Variants in SDC2 observed in about 807,000 individuals in gnomAD.
The protein encoded by SDC2 is syndecan-2.
Under a neutral mutation model 22.2 loss-of-function variants are expected in SDC2, and 13 were observed. That is an observed-to-expected ratio of 0.59 (90% CI 0.38 to 0.93). The LOEUF (loss-of-function observed/expected upper bound fraction) is 0.93, where lower values mean the gene tolerates loss of function less well. Among genes scored for constraint, SDC2 ranks in the 40% least tolerant of loss-of-function variants. The pLI is 0.00. For synonymous variants in SDC2, 94 were observed against 92.8 expected (o/e 1.01, Z -0.07); for missense variants, 235 against 246.8 (o/e 0.95, Z 0.32).
At chr8:96,581,978 C>T (rs775152422) in intron 1 of SDC2, among the ~76,000 whole-genome samples, 5 of 152,196 alleles carry the variant, frequency 3.3e-5, no homozygotes, top group South Asian at 2.1e-4. Flanking sequence ...GCACAGGTCA[C>T]GTGATCATCA....
intron 1 of SDC2, among the ~76,000 whole-genome samples, chr8:96,510,328 G>C (rs764018323): frequency 8.5e-5 from 13 of 152,192 alleles, no homozygotes; most frequent in African/African-American, 1.2e-4. Context: ...CCATGGAGCT[G>C]TATTGTTTGC....
chr8:96,580,118 G>A (rs578181174), intron 1 of SDC2, among the ~76,000 whole-genome samples: 1 of 152,340 alleles, frequency 6.6e-6, no homozygotes, highest in Non-Finnish European at 1.5e-5. Context: ...GGGCTGCGCT[G>A]CAATGTGACC....
intron 1 of SDC2, among the ~76,000 whole-genome samples, chr8:96,579,218 T>C (rs1439448515): frequency 3.3e-5 from 5 of 152,244 alleles, no homozygotes; most frequent in African/African-American, 1.2e-4. Context: ...AATAAAGTCT[T>C]AATTTTTTTT....
intron 1 of SDC2, among the ~76,000 whole-genome samples, chr8:96,578,325 T>C (rs927081261): frequency 6.6e-6 from 1 of 152,196 alleles, no homozygotes. Context: ...TGAACTTAAA[T>C]TGATTGAAAA....
intron 1 of SDC2, among the ~76,000 whole-genome samples, chr8:96,499,721 G>A (rs1813131270): frequency 6.6e-6 from 1 of 152,066 alleles, no homozygotes; most frequent in East Asian, 1.9e-4. Context: ...CTTGAGGCAC[G>A]GAAGATAGGA....
At chr8:96,494,438 A>G (rs867201355) in intron 1 of SDC2, 107 bp downstream of exon 1, 9 of 1,016,960 alleles carry the variant, frequency 8.8e-6, no homozygotes, top group Non-Finnish European at 1.1e-5. Context: ...CCAGTCCCCA[A>G]GTATACACCG....
intron 1 of SDC2, among the ~76,000 whole-genome samples, chr8:96,515,913 G>A (rs1813394611): frequency 6.6e-6 from 1 of 152,132 alleles, no homozygotes; most frequent in African/African-American, 2.4e-5. Flanking sequence ...CTGTGATCAT[G>A]ACACTTTCAC....
intron 1 of SDC2, among the ~76,000 whole-genome samples, chr8:96,494,907 T>C (rs1046387517): frequency 6.6e-6 from 1 of 152,196 alleles, no homozygotes; most frequent in Non-Finnish European, 1.5e-5. Context: ...TCCCTGCGGC[T>C]AGGGCGAGGT....
intron 1 of SDC2, among the ~76,000 whole-genome samples, chr8:96,527,367 C>T (rs985890894): frequency 3.3e-5 from 5 of 152,218 alleles, no homozygotes; most frequent in Non-Finnish European, 4.4e-5. Context: ...TCATAGGAGA[C>T]TCCTAATCCT....
chr8:96,502,544 CAT>C (rs1336202111), intron 1 of SDC2, among the ~76,000 whole-genome samples: 1 of 93,554 alleles, frequency 1.1e-5, no homozygotes, highest in Non-Finnish European at 2.7e-5. Context: ...TTAGTCTCCT[CAT>C]ATGGTTTCTG....
At chr8:96,596,532 A>T (rs569231304) in intron 2 of SDC2, among the ~76,000 whole-genome samples, 22 of 152,238 alleles carry the variant, frequency 1.4e-4, no homozygotes, top group Non-Finnish European at 2.9e-4. Context: ...GCACAGAGAT[A>T]AGAAAGACTT....
At chr8:96,553,213 A>G (rs1345047454) in intron 1 of SDC2, among the ~76,000 whole-genome samples, 1 of 152,162 alleles carries the variant, frequency 6.6e-6, no homozygotes, top group Non-Finnish European at 1.5e-5. Flanking sequence ...CCCACAAACC[A>G]GTATTTCTGT....
At chr8:96,496,623 T>C (rs78003972) in intron 1 of SDC2, among the ~76,000 whole-genome samples, 457 of 152,348 alleles carry the variant, frequency 3.0e-3, no homozygotes, top group Non-Finnish European at 5.0e-3. Context: ...TTACAGAATA[T>C]TATTTCCAGG....
At chr8:96,596,173 G>A (rs1456757305) in intron 2 of SDC2, among the ~76,000 whole-genome samples, 1 of 152,194 alleles carries the variant, frequency 6.6e-6, no homozygotes, top group Non-Finnish European at 1.5e-5. Flanking sequence ...ACTATTAGAA[G>A]GTAATAGAAC....
rs747453058 is a variant in SDC2, at chr8:96,508,669, A to G, written c.60+14338A>G. ...CAGCCTTCTCCTACTATAGATAGGC[A>G]TTTTCCATTCATTGTCTATAACTGT... On this transcript the variant is annotated intron_variant, in intron 1 of 4. Transcript: ENST00000302190. Among the ~76,000 whole-genome samples the G allele has an allele frequency of 6.3e-5, 9 of 141,940 alleles. 2 individuals are homozygous for G. The highest frequency in any genetic ancestry group is 9.6e-5 in the Non-Finnish European group (6 of 62,290). The allele number at this position is 141,940 out of a possible 152,430, so 93.1% of individuals were successfully genotyped here.
chr8:96,513,367 G>C (rs376104851), intron 1 of SDC2, among the ~76,000 whole-genome samples: 3 of 152,180 alleles, frequency 2.0e-5, no homozygotes, highest in African/African-American at 7.2e-5. Context: ...TGTGCCTCCT[G>C]GCGTTTGTTG....
chr8:96,603,016 G>A (rs1815019504), intron 3 of SDC2, among the ~76,000 whole-genome samples: 1 of 152,152 alleles, frequency 6.6e-6, no homozygotes, highest in Non-Finnish European at 1.5e-5. Flanking sequence ...CGATGATGAT[G>A]AACCTGGGTA....
chr8:96,506,488 CT>C (rs1182756480), intron 1 of SDC2, among the ~76,000 whole-genome samples: 1 of 151,924 alleles, frequency 6.6e-6, no homozygotes, highest in Non-Finnish European at 1.5e-5. Flanking sequence ...CCGGTGAAAA[CT>C]TATAAGAGAC....
intron 1 of SDC2, among the ~76,000 whole-genome samples, chr8:96,582,344 A>T (rs1814602300): frequency 3.3e-5 from 5 of 152,166 alleles, no homozygotes; most frequent in Admixed American, 3.3e-4. Flanking sequence ...TCTTTGACAC[A>T]CAGTGCAGCC....
Sources: allele counts gnomAD v4.1 joint callset (sites outside exome capture counted in the v4.1 genomes callset), GRCh38; gene constraint gnomAD v4.1.1; transcripts MANE v1.5; gene names NCBI Gene and HGNC (gene_info 2026-07-23, HGNC 2026-07-21).